SYNPR: variants seen among roughly 807,000 people sequenced by gnomAD.
SYNPR encodes synaptoporin.
Under a neutral mutation model 32.9 loss-of-function variants are expected in SYNPR, and 23 were observed. The observed-to-expected ratio is 0.70, with a 90% CI of 0.50 to 0.99. The LOEUF is 0.99. Among genes scored for constraint, SYNPR ranks in the 50% least tolerant of loss-of-function variants. The pLI, the probability that SYNPR is intolerant of heterozygous loss-of-function variation, is 0.00. For synonymous variants in SYNPR, 146 were observed against 135.9 expected, an observed-to-expected ratio of 1.07 and a Z score of -0.52; for missense variants, 318 against 349.3, an observed-to-expected ratio of 0.91 and a Z score of 0.71.
intron 4 of SYNPR, among the ~76,000 whole-genome samples, chr3:63,572,937 AT>A (rs1307681897): frequency 6.6e-6 from 1 of 151,894 alleles, no homozygotes; most frequent in Non-Finnish European, 1.5e-5. Flanking sequence ...TGTGTGTGTG[AT>A]TTTTTTCCTC....
At chr3:63,276,476 A>T (rs926604176), upstream of SYNPR, among the ~76,000 whole-genome samples, 8 of 152,208 alleles carry the variant, frequency 5.3e-5, no homozygotes, top group African/African-American at 1.4e-4. Context: ...TTCTCACAAA[A>T]AACAGTTAAG....
chr3:63,228,895 C>T (rs17067896), intron 1 of SYNPR, among the ~76,000 whole-genome samples: 1,972 of 151,826 alleles, frequency 0.013, 46 homozygotes, highest in African/African-American at 0.045. Flanking sequence ...TATTGATGGC[C>T]GCCATCTTGA....
At chr3:63,261,994 T>C (rs2086441906) in intron 2 of SYNPR, among the ~76,000 whole-genome samples, 1 of 150,638 alleles carries the variant, frequency 6.6e-6, no homozygotes, top group South Asian at 2.1e-4. Context: ...AACTTGCACG[T>C]TGTGCACATG....
intron 2 of SYNPR, among the ~76,000 whole-genome samples, chr3:63,466,215 T>C (rs1272722280): frequency 6.6e-6 from 1 of 151,902 alleles, no homozygotes; most frequent in Non-Finnish European, 1.5e-5. Context: ...CTACTCCTTT[T>C]AATCTAGACG....
chr3:63,413,116 A>G (rs1221807767), intron 2 of SYNPR, among the ~76,000 whole-genome samples: 1 of 152,234 alleles, frequency 6.6e-6, no homozygotes, highest in African/African-American at 2.4e-5. Flanking sequence ...AAATTAGATA[A>G]CGATCAAAAA....
chr3:63,595,845 T>TAA (rs1491517481), intron 4 of SYNPR, among the ~76,000 whole-genome samples: 2 of 73,958 alleles, frequency 2.7e-5, no homozygotes, highest in African/African-American at 1.1e-4. Context: ...ATATATATAG[T>TAA]TTTATATATA....
chr3:63,345,320 T>C (rs867990338), intron 2 of SYNPR, among the ~76,000 whole-genome samples: 2 of 152,240 alleles, frequency 1.3e-5, no homozygotes, highest in Non-Finnish European at 2.9e-5. Context: ...ACTTGGCCTA[T>C]GGCCAGGAAT....
chr3:63,423,885 C>A (rs964463199), intron 2 of SYNPR: 2 of 152,156 alleles, frequency 1.3e-5, no homozygotes, highest in African/African-American at 4.8e-5. Flanking sequence ...TATAAATAAC[C>A]CTTGTCTAAA....
At position 63,514,925 on chromosome 3, in the gene SYNPR, T is replaced by C. The variant is rs529930000; in HGVS notation, c.209+33969T>C. On this transcript the variant is annotated intron_variant, in intron 3 of 5. Coordinates refer to ENST00000478300, the MANE Select transcript of SYNPR (RefSeq NM_001130003.2). ...AAAAACATTTGTGATGTAAGTTTAATGCTTTCCTTCCGTTACAGAGATAAA... is the reference window on the plus strand; with the variant it reads ...AAAAACATTTGTGATGTAAGTTTAACGCTTTCCTTCCGTTACAGAGATAAA... 5.9e-5 allele frequency among the ~76,000 whole-genome samples: 9 copies of C among 152,240 alleles called. No homozygotes were observed. In the South Asian group the frequency reaches 1.7e-3, roughly 28 times the overall value.
rs567294036 is a variant in SYNPR, at chr3:63,488,496, C to T, written c.209+7540C>T. On this transcript the variant is annotated intron_variant, in intron 3 of 5. Coordinates refer to ENST00000478300, the MANE Select transcript of SYNPR (RefSeq NM_001130003.2). ...GGATGGGCAAGACATAACCCCCTAA[C>T]TGGTAGTGAATTGTGCAGTGGAAGC... Among the ~76,000 whole-genome samples the T allele has an allele frequency of 2.0e-5, 3 of 152,294 alleles. No homozygotes were observed. The South Asian group carries it at 6.2e-4, about 32-fold the overall frequency.
At chr3:63,361,658 A>G (rs12631901) in intron 2 of SYNPR, among the ~76,000 whole-genome samples, 9,337 of 151,268 alleles carry the variant, frequency 0.062, 513 homozygotes, top group East Asian at 0.15. Context: ...TGTTCAGTTT[A>G]TATTACCTCC....
At chr3:63,603,802 A>T (rs1700078978) in intron 4 of SYNPR, among the ~76,000 whole-genome samples, 1 of 151,816 alleles carries the variant, frequency 6.6e-6, no homozygotes, top group Admixed American at 6.6e-5. Flanking sequence ...GGCCTGATGA[A>T]CAGTGTTTTC....
chr3:63,232,433 C>T (rs1234686841), intron 1 of SYNPR, among the ~76,000 whole-genome samples: 2 of 152,082 alleles, frequency 1.3e-5, no homozygotes, highest in African/African-American at 4.8e-5. Context: ...GAGCTCTTGA[C>T]CTCAAGTGAT....
intron 3 of SYNPR, among the ~76,000 whole-genome samples, chr3:63,493,413 C>A (rs947324754): frequency 6.6e-6 from 1 of 152,024 alleles, no homozygotes; most frequent in Non-Finnish European, 1.5e-5. Flanking sequence ...TTCCAGTATC[C>A]CACTGTGGGA....
chr3:63,437,119 T>C (rs1419489551), intron 2 of SYNPR, among the ~76,000 whole-genome samples: 1 of 151,582 alleles, frequency 6.6e-6, no homozygotes, highest in Non-Finnish European at 1.5e-5. Context: ...TCAAGTTATC[T>C]GCCCACCTCG....
intron 2 of SYNPR, among the ~76,000 whole-genome samples, chr3:63,358,403 C>T (rs2087612394): frequency 6.6e-6 from 1 of 152,190 alleles, no homozygotes; most frequent in East Asian, 1.9e-4. Flanking sequence ...TTTGTCATCA[C>T]ATCCCCTTCT....
intron 2 of SYNPR, among the ~76,000 whole-genome samples, chr3:63,323,421 T>A (rs778567605): frequency 3.3e-5 from 5 of 152,104 alleles, no homozygotes; most frequent in Non-Finnish European, 5.9e-5. Context: ...ATTTATTGAG[T>A]TTCTACTATG....
At chr3:63,436,857 G>A (rs756942504) in intron 2 of SYNPR, among the ~76,000 whole-genome samples, 2 of 152,018 alleles carry the variant, frequency 1.3e-5, no homozygotes, top group Admixed American at 6.6e-5. Context: ...TTCTCTACAG[G>A]GTATGGGCTT....
At chr3:63,426,035 T>A (rs1699887531) in intron 2 of SYNPR, among the ~76,000 whole-genome samples, 1 of 152,094 alleles carries the variant, frequency 6.6e-6, no homozygotes, top group Non-Finnish European at 1.5e-5. Flanking sequence ...TCCACCCGCC[T>A]CGACCTCCCA....
Sources: gnomAD v4.1 joint callset for allele counts (sites outside exome capture counted in the v4.1 genomes callset) on GRCh38, gnomAD v4.1.1 for gene constraint, MANE v1.5 for transcripts, NCBI Gene and HGNC (gene_info 2026-07-23, HGNC 2026-07-21) for gene names.